Variants in ADCYAP1R1 observed in about 807,000 individuals in gnomAD.
ADCYAP1R1 encodes the protein ADCYAP receptor type I.
A neutral mutation model predicts 67.6 loss-of-function variants in ADCYAP1R1; 44 were observed. That is an observed-to-expected ratio of 0.65 (90% confidence interval 0.51 to 0.84). ADCYAP1R1 has a LOEUF of 0.84. Ranked by LOEUF, ADCYAP1R1 falls within the 40% of genes least tolerant of loss-of-function variation. The pLI is 0.00. For synonymous variants in ADCYAP1R1, 222 were observed against 219.6 expected (o/e 1.01, Z -0.10); for missense variants, 477 against 587.9 (o/e 0.81, Z 1.95).
chr7:31,086,684 C>G lies in ADCYAP1R1; in HGVS notation c.823+147C>G. The G allele has an allele frequency of 9.6e-7, 1 of 1,045,010 alleles. No homozygotes were observed. The highest frequency in any genetic ancestry group is 1.4e-6 in the Non-Finnish European group (1 of 723,334). The allele number at this position is 1,045,010 out of a possible 1,614,324, so 64.7% of individuals were successfully genotyped here. A position where few individuals can be genotyped will look rare whatever the true frequency, so the allele number is the denominator to read the frequency against. On this transcript the variant is annotated intron_variant, in intron 10 of 15. Transcript: ENST00000304166. The surrounding 1 kb of genome is among the most constrained non-coding windows in gnomAD (Gnocchi z 5.0). ...AATGGCCTAGGCTCTGTCTTGGACTCTTTCTCAATCTTCTTGCCTGTGGAA... is the reference window on the plus strand; with the variant it reads ...AATGGCCTAGGCTCTGTCTTGGACTGTTTCTCAATCTTCTTGCCTGTGGAA...
At chr7:31,092,485 T>C (rs1795997721) in intron 12 of ADCYAP1R1, among the ~76,000 whole-genome samples, 159 bp from the exon 13 acceptor site, 1 of 152,168 alleles carries the variant, frequency 6.6e-6, no homozygotes, top group Non-Finnish European at 1.5e-5. Context: ...TTAATGATAC[T>C]GTGGGAGGCT....
intron 3 of ADCYAP1R1, among the ~76,000 whole-genome samples, chr7:31,073,820 A>T (rs1168831358): frequency 1.3e-5 from 2 of 152,166 alleles, no homozygotes; most frequent in East Asian, 3.9e-4. Flanking sequence ...AGCTCTCGAT[A>T]GGGTCAGGGA....
rs1293889580 is a variant in ADCYAP1R1 at position 31,110,752 on chromosome 7, T to TGA, written c.*4068_*4069insGA. The TGA allele has an allele frequency of 2.0e-5, 3 of 152,454 alleles. No homozygotes were observed. Among genetic ancestry groups the TGA allele is most frequent in the Admixed American group, 2.0e-4 (3 of 15,308 alleles). The allele number at this position is 152,454 out of a possible 1,614,324, so 9.4% of individuals were successfully genotyped here. On this transcript the variant is annotated 3_prime_UTR_variant, in exon 16 of 16. Coordinates refer to ENST00000304166, the MANE Select transcript of ADCYAP1R1 (RefSeq NM_001118.5). The stretch of plus-strand genomic sequence containing the variant: ...CCTGCTCTGTGATCCAGGGCTTACC[T>TGA]TCTTTGGGCCTCGGCCTCCTAATCT...
In ADCYAP1R1 at chr7:31,109,482, G is replaced by C. The variant is rs1349648569; in HGVS notation, c.*2798G>C. The C allele has an allele frequency of 6.6e-6, 1 of 152,212 alleles. No individual in the cohort carries two copies. The highest frequency in any genetic ancestry group is 1.5e-5 in the Non-Finnish European group (1 of 68,068). The allele number at this position is 152,212 out of a possible 1,614,324, so 9.4% of individuals were successfully genotyped here. ...TGTGGTATTTGCCTGGGCCAGGAAAGGATAAGAAATCCTGTCATGTGAAGA... is the reference window on the plus strand; with the variant it reads ...TGTGGTATTTGCCTGGGCCAGGAAACGATAAGAAATCCTGTCATGTGAAGA... On this transcript the variant is annotated 3_prime_UTR_variant, in exon 16 of 16. Coordinates refer to ENST00000304166, the MANE Select transcript of ADCYAP1R1 (RefSeq NM_001118.5).
intron 4 of ADCYAP1R1, among the ~76,000 whole-genome samples, chr7:31,078,392 G>C (rs1451452555): frequency 6.6e-6 from 1 of 152,216 alleles, no homozygotes; most frequent in East Asian, 1.9e-4. Context: ...TATGTGGCCC[G>C]GTGGCCCCCT....
At chr7:31,069,281 G>A (rs1006622) in intron 3 of ADCYAP1R1, among the ~76,000 whole-genome samples, 67,679 of 152,036 alleles carry the variant, frequency 0.45, 17,721 homozygotes, top group East Asian at 0.7. Context: ...ACATCTGTGC[G>A]TTGTGTTATT....
chr7:31,093,916 C>T (rs1796074998), intron 13 of ADCYAP1R1, among the ~76,000 whole-genome samples: 1 of 152,008 alleles, frequency 6.6e-6, no homozygotes, highest in Non-Finnish European at 1.5e-5. Flanking sequence ...GCAAGAACTG[C>T]TCGGAGACCA....
At chr7:31,085,499 C>G in intron 9 of ADCYAP1R1, 57 bp downstream of exon 9, 4 of 1,554,456 alleles carry the variant, frequency 2.6e-6, no homozygotes, top group Non-Finnish European at 3.5e-6. Flanking sequence ...GCACCATCCC[C>G]TTGGTTCCCC....
intron 13 of ADCYAP1R1, among the ~76,000 whole-genome samples, chr7:31,094,866 T>TA (rs3216472): frequency 0.64 from 96,186 of 150,818 alleles, 30,810 homozygotes; most frequent in Middle Eastern, 0.72. Context: ...CTTCTGGCAT[T>TA]AAAAAAAAAT....
At chr7:31,105,567 G>A (rs1796606980) in intron 15 of ADCYAP1R1, among the ~76,000 whole-genome samples, 1 of 152,186 alleles carries the variant, frequency 6.6e-6, no homozygotes, top group Non-Finnish European at 1.5e-5. Context: ...GAATGGCTAG[G>A]GTGGATTTGA....
At chr7:31,064,325 C>G (rs182457446) in intron 2 of ADCYAP1R1, among the ~76,000 whole-genome samples, 21 of 152,374 alleles carry the variant, frequency 1.4e-4, no homozygotes, top group African/African-American at 5.0e-4. Context: ...CTCTAAACTG[C>G]AGTAGTAGCC....
chr7:31,108,063 C>G lies in ADCYAP1R1; in HGVS notation c.*1379C>G, dbSNP rs1796717558. On this transcript the variant is annotated 3_prime_UTR_variant, in exon 16 of 16. Coordinates refer to ENST00000304166, the MANE Select transcript of ADCYAP1R1 (RefSeq NM_001118.5). ...TGGTCCGTGTGTGGCCTAGCTCATT[C>G]CATGTCAGCATTTGGTGTTACTCCT... 1 of 152,282 alleles carries G rather than the reference C, an allele frequency of 6.6e-6. No homozygotes were observed. The highest frequency in any genetic ancestry group is 6.5e-5 in the Admixed American group (1 of 15,284). 9.4% of individuals were successfully genotyped at this position (152,282 alleles called of 1,614,324 possible). A position where few individuals can be genotyped will look rare whatever the true frequency, so the allele number is the denominator to read the frequency against.
chr7:31,065,492 T>G (rs2128618081), intron 3 of ADCYAP1R1, among the ~76,000 whole-genome samples: 1 of 152,330 alleles, frequency 6.6e-6, no homozygotes, highest in South Asian at 2.1e-4. Flanking sequence ...TGCAGGACAT[T>G]GAGCGTTCTT....
rs1414192339 is a variant in ADCYAP1R1, at chr7:31,080,609, T to G, written c.266-4T>G. On this transcript the variant is annotated splice_polypyrimidine_tract_variant and splice_region_variant and intron_variant, in intron 4 of 15. Transcript: ENST00000304166. ...TTCTCTCTCTCTCTTTCTCTCTGTT[T>G]CAGTCTGGGAGACCGAAACCATTGG... is the stretch of plus-strand genomic sequence containing the variant. 1 of 1,613,576 alleles carries G rather than the reference T, an allele frequency of 6.2e-7. No homozygotes were observed. Among genetic ancestry groups the G allele is most frequent in the Non-Finnish European group, 8.5e-7 (1 of 1,180,002 alleles).
chr7:31,110,002 A>G lies in ADCYAP1R1; in HGVS notation c.*3318A>G, dbSNP rs956877644. 1.3e-5 allele frequency: 2 copies of G among 152,132 alleles called. No homozygotes were observed. The highest frequency in any genetic ancestry group is 3.9e-4 in the East Asian group (2 of 5,134). The allele number at this position is 152,132 out of a possible 1,614,324, so 9.4% of individuals were successfully genotyped here. On this transcript the variant is annotated 3_prime_UTR_variant, in exon 16 of 16. Transcript: ENST00000304166. ...AAGCTGGGTTCTTTGTGGAAGAAGG[A>G]CAGGGAGCTAGAGCCAAGCCCTAGG...
At chr7:31,058,146 A>C (rs1684875095) in intron 1 of ADCYAP1R1, among the ~76,000 whole-genome samples, 1 of 152,214 alleles carries the variant, frequency 6.6e-6, no homozygotes, top group South Asian at 2.1e-4. Flanking sequence ...CAGACGCTGG[A>C]GTGGGGCAAG....
At position 31,108,362 on chromosome 7, in the gene ADCYAP1R1, G is replaced by C. The variant is rs372060579; in HGVS notation, c.*1678G>C. 6.6e-6 allele frequency: 1 copy of C among 152,280 alleles called. No individual in the cohort carries two copies. Among genetic ancestry groups the C allele is most frequent in the Non-Finnish European group, 1.5e-5 (1 of 68,088 alleles). 9.4% of individuals were successfully genotyped at this position (152,280 alleles called of 1,614,324 possible). ...TACCTGCCCTTTCCTGGGCATGCTT[G>C]GTGACTCAGATTGATCTTGGAGTGT... On this transcript the variant is annotated 3_prime_UTR_variant, in exon 16 of 16. Coordinates refer to ENST00000304166, the MANE Select transcript of ADCYAP1R1 (RefSeq NM_001118.5).
At chr7:31,087,103 A>T in intron 11 of ADCYAP1R1, 100 bp downstream of exon 11, 1 of 1,345,620 alleles carries the variant, frequency 7.4e-7, no homozygotes, top group Non-Finnish European at 1.1e-6. Context: ...CCCGCAACAA[A>T]CCATTCAATG....
At chr7:31,080,848 C>T (rs1365842596) in intron 5 of ADCYAP1R1, among the ~76,000 whole-genome samples, 9 of 152,176 alleles carry the variant, frequency 5.9e-5, no homozygotes, top group Non-Finnish European at 7.3e-5. Flanking sequence ...ACAACACAAG[C>T]ACGACCTCAG....
Sources: allele counts gnomAD v4.1 joint callset (sites outside exome capture counted in the v4.1 genomes callset), GRCh38; gene constraint gnomAD v4.1.1; non-coding constraint Gnocchi (gnomAD v3.1); transcripts MANE v1.5; gene names NCBI Gene and HGNC (gene_info 2026-07-23, HGNC 2026-07-21).